The following ANO3 variants were observed in gnomAD, a reference collection of about 807,000 sequenced individuals.
The protein encoded by ANO3 is anoctamin 3, also known as anoctamin-3.
In ANO3, 99 loss-of-function variants were observed where a neutral mutation model predicts 144.8. The observed-to-expected ratio is 0.68, with a 90% CI of 0.58 to 0.81. The LOEUF is 0.81. ANO3 is among the 30% of genes least tolerant of loss of function. The pLI is 0.00. For synonymous variants in ANO3, 414 were observed against 392.6 expected (o/e 1.05, Z -0.64); for missense variants, 905 against 1,202.2 (o/e 0.75, Z 3.66).
chr11:26,633,978 T>C (rs1852867309), intron 18 of ANO3, among the ~76,000 whole-genome samples: 1 of 150,380 alleles, frequency 6.6e-6, no homozygotes, highest in African/African-American at 2.5e-5. Context: ...CTTGGGAGGC[T>C]GAGCCAGAAG....
At chr11:26,643,466 A>T in intron 23 of ANO3, 132 bp downstream of exon 23, 1 of 1,177,760 alleles carries the variant, frequency 8.5e-7, no homozygotes, top group African/African-American at 1.6e-5. Flanking sequence ...TTAAGAAGTG[A>T]TTAAGCTGGC....
intron 1 of ANO3, among the ~76,000 whole-genome samples, chr11:26,361,569 TGAA>T (rs1855926521): frequency 6.6e-6 from 1 of 152,174 alleles, no homozygotes; most frequent in Non-Finnish European, 1.5e-5. Context: ...ATACTTATTG[TGAA>T]GAAGAAGCAA....
intron 1 of ANO3, among the ~76,000 whole-genome samples, chr11:26,349,524 G>C (rs1411519185): frequency 6.6e-6 from 1 of 152,006 alleles, no homozygotes; most frequent in Non-Finnish European, 1.5e-5. Flanking sequence ...CTTGAGAAAT[G>C]AGAATTGTTA....
intron 1 of ANO3, among the ~76,000 whole-genome samples, chr11:26,385,530 C>T (rs1020227385): frequency 2.6e-5 from 4 of 152,024 alleles, no homozygotes; most frequent in Non-Finnish European, 4.4e-5. Context: ...ATTCCTGGCT[C>T]CTGGCCCATT....
At chr11:26,327,682 A>G (rs1420307206), upstream of ANO3, among the ~76,000 whole-genome samples, 4 of 152,228 alleles carry the variant, frequency 2.6e-5, no homozygotes. Context: ...AATAAATTAA[A>G]TTGTCTATTT....
chr11:26,371,134 G>A (rs911732094), intron 1 of ANO3, among the ~76,000 whole-genome samples: 1 of 152,138 alleles, frequency 6.6e-6, no homozygotes, highest in African/African-American at 2.4e-5. Context: ...AGGCCAAGGG[G>A]CATCCAGCTC....
chr11:26,574,811 C>T (rs890472275), intron 14 of ANO3, among the ~76,000 whole-genome samples: 10 of 152,020 alleles, frequency 6.6e-5, no homozygotes, highest in African/African-American at 2.4e-4. Context: ...TTGGAAAGGT[C>T]AAATATTCCA....
At chr11:26,502,849 GA>G (rs397941347) in intron 4 of ANO3, among the ~76,000 whole-genome samples, 914 of 77,746 alleles carry the variant, frequency 0.012, 2 homozygotes, top group Middle Eastern at 0.033. Context: ...AACATTCAGG[GA>G]AAAAAAAAAA....
At chr11:26,325,561 T>G (rs930082983) in intron 1 of ANO3, among the ~76,000 whole-genome samples, 5 of 152,200 alleles carry the variant, frequency 3.3e-5, no homozygotes, top group Non-Finnish European at 1.5e-5. Context: ...AAGTCATCAA[T>G]ATTTATTTTC....
intron 1 of ANO3, among the ~76,000 whole-genome samples, chr11:26,430,780 G>C (rs1000512559): frequency 6.6e-6 from 1 of 152,124 alleles, no homozygotes. Context: ...AGGAGAAATA[G>C]CTCTATGCAA....
chr11:26,269,336 G>C (rs937955720), intron 1 of ANO3, among the ~76,000 whole-genome samples: 2 of 152,168 alleles, frequency 1.3e-5, no homozygotes, highest in African/African-American at 4.8e-5. Context: ...GTGGGAAGGG[G>C]AGACGTGGAA....
At chr11:26,394,013 A>C (rs1461754856) in intron 1 of ANO3, among the ~76,000 whole-genome samples, 1 of 152,160 alleles carries the variant, frequency 6.6e-6, no homozygotes, top group Non-Finnish European at 1.5e-5. Context: ...TAAATAATGG[A>C]ATGTTTTAGC....
intron 1 of ANO3, among the ~76,000 whole-genome samples, chr11:26,294,808 A>G (rs1314280005): frequency 2.0e-5 from 3 of 152,212 alleles, no homozygotes; most frequent in Non-Finnish European, 4.4e-5. Flanking sequence ...ACAGACATCA[A>G]CATATCTGCG....
chr11:26,582,637 A>G (rs1159934048), intron 14 of ANO3, among the ~76,000 whole-genome samples: 2 of 152,174 alleles, frequency 1.3e-5, no homozygotes, highest in Admixed American at 6.5e-5. Context: ...GCTCAAGAAA[A>G]CATACTTTGG....
intron 4 of ANO3, among the ~76,000 whole-genome samples, chr11:26,497,158 A>G (rs1411167683): frequency 6.6e-6 from 1 of 151,862 alleles, no homozygotes; most frequent in African/African-American, 2.4e-5. Context: ...ATACAGACAT[A>G]CACACAAATC....
chr11:26,202,720 A>G (rs1851722125), intron 1 of ANO3, among the ~76,000 whole-genome samples: 1 of 151,404 alleles, frequency 6.6e-6, no homozygotes, highest in African/African-American at 2.4e-5. Context: ...AGCAACACAC[A>G]GTTGAGGAAA....
At chr11:26,544,909 G>T (rs1035817477) in intron 11 of ANO3, among the ~76,000 whole-genome samples, 1 of 151,824 alleles carries the variant, frequency 6.6e-6, no homozygotes, top group African/African-American at 2.4e-5. Context: ...AAGTGGCTAA[G>T]AGAAGGAGTC....
intron 4 of ANO3, among the ~76,000 whole-genome samples, chr11:26,499,793 A>G (rs1162775370): frequency 1.3e-5 from 2 of 151,920 alleles, no homozygotes; most frequent in East Asian, 3.8e-4. Flanking sequence ...TACGTTTAGC[A>G]GCTTTATTGA....
chr11:26,528,067 T>C (rs1261078884), intron 7 of ANO3, among the ~76,000 whole-genome samples: 1 of 152,156 alleles, frequency 6.6e-6, no homozygotes, highest in African/African-American at 2.4e-5. Flanking sequence ...TGCTGTGATA[T>C]CTTGGATTTG....
Sources: gnomAD v4.1 joint callset for allele counts (sites outside exome capture counted in the v4.1 genomes callset) on GRCh38, gnomAD v4.1.1 for gene constraint, MANE v1.5 for transcripts, NCBI Gene and HGNC (gene_info 2026-07-23, HGNC 2026-07-21) for gene names.